ADCY2: variants seen among roughly 807,000 people sequenced by gnomAD.
ADCY2 encodes adenylate cyclase type 2.
A neutral mutation model predicts 125.2 loss-of-function variants in ADCY2; 31 were observed. The observed-to-expected ratio is 0.25, with a 90% confidence interval of 0.19 to 0.33. The LOEUF (loss-of-function observed/expected upper bound fraction) is 0.33, where lower values mean the gene tolerates loss of function less well. Ranked by LOEUF, ADCY2 falls within the 10% of genes least tolerant of loss-of-function variation. ADCY2 has a pLI of 1.00. For missense variants in ADCY2, 904 were observed against 1,418.2 expected (o/e 0.64, Z 5.82); for synonymous variants, 512 against 548.4 (o/e 0.93, Z 0.93).
chr5:7,631,036 C>T (rs1427782231), intron 4 of ADCY2, among the ~76,000 whole-genome samples: 1 of 152,110 alleles, frequency 6.6e-6, no homozygotes, highest in Admixed American at 6.5e-5. Context: ...AGCAATCCAC[C>T]CACCTTGGCT....
intron 20 of ADCY2, chr5:7,797,729 T>C (rs1366225549): frequency 2.6e-5 from 4 of 152,206 alleles, no homozygotes; most frequent in Admixed American, 2.0e-4. Flanking sequence ...TGCAGGGAGC[T>C]TATGAATTGG....
At chr5:7,725,399 A>C (rs1056324940) in intron 13 of ADCY2, among the ~76,000 whole-genome samples, 1 of 152,214 alleles carries the variant, frequency 6.6e-6, no homozygotes, top group Non-Finnish European at 1.5e-5. Context: ...GCATTATTTT[A>C]TGAATATCAA....
intron 4 of ADCY2, among the ~76,000 whole-genome samples, chr5:7,654,895 G>A (rs918275919): frequency 3.3e-5 from 5 of 152,160 alleles, no homozygotes; most frequent in African/African-American, 1.2e-4. Flanking sequence ...CCCTGTTTAG[G>A]GGAAAAAATG....
chr5:7,630,793 T>C (rs1738287196), intron 4 of ADCY2, among the ~76,000 whole-genome samples: 1 of 150,436 alleles, frequency 6.6e-6, no homozygotes, highest in Non-Finnish European at 1.5e-5. Context: ...CTTGTCTTTT[T>C]TTTTTTTTTT....
At chr5:7,431,489 A>C (rs1186515737) in intron 2 of ADCY2, among the ~76,000 whole-genome samples, 1 of 151,666 alleles carries the variant, frequency 6.6e-6, no homozygotes, top group African/African-American at 2.4e-5. Flanking sequence ...GTGTTAGAAA[A>C]TGATTTCTTG....
intron 4 of ADCY2, among the ~76,000 whole-genome samples, chr5:7,688,297 T>C (rs1740592716): frequency 6.6e-6 from 1 of 151,288 alleles, no homozygotes; most frequent in Non-Finnish European, 1.5e-5. Flanking sequence ...AGACAGAGTC[T>C]CACTCTGTTG....
chr5:7,762,229 C>G (rs1743246612), intron 16 of ADCY2, among the ~76,000 whole-genome samples: 1 of 152,190 alleles, frequency 6.6e-6, no homozygotes, highest in Non-Finnish European at 1.5e-5. Flanking sequence ...TCCTCTTGTA[C>G]TTATGTCAAA....
chr5:7,663,966 G>A (rs779737733), intron 4 of ADCY2, among the ~76,000 whole-genome samples: 7 of 152,198 alleles, frequency 4.6e-5, no homozygotes, highest in Non-Finnish European at 1.0e-4. Flanking sequence ...GATTTCCGAA[G>A]TGTGACTCTT....
chr5:7,768,601 C>T (rs935116390), intron 17 of ADCY2, among the ~76,000 whole-genome samples: 1 of 152,148 alleles, frequency 6.6e-6, no homozygotes, highest in Non-Finnish European at 1.5e-5. Context: ...ACTCACCACA[C>T]TTGGCATCAC....
intron 3 of ADCY2, among the ~76,000 whole-genome samples, chr5:7,521,561 T>G (rs1025035513): frequency 6.6e-6 from 1 of 152,244 alleles, no homozygotes; most frequent in African/African-American, 2.4e-5. Context: ...GTGCATTTAA[T>G]TTGCTCTGTG....
At chr5:7,628,263 C>T (rs1738199713) in intron 4 of ADCY2, among the ~76,000 whole-genome samples, 1 of 152,010 alleles carries the variant, frequency 6.6e-6, no homozygotes, top group South Asian at 2.1e-4. Flanking sequence ...TTTTTTTCAT[C>T]AGCTCTGTAA....
At chr5:7,467,836 A>G (rs1333301461) in intron 2 of ADCY2, among the ~76,000 whole-genome samples, 1 of 152,184 alleles carries the variant, frequency 6.6e-6, no homozygotes, top group Non-Finnish European at 1.5e-5. Flanking sequence ...TAGTTTTTCT[A>G]GAACTTCATC....
chr5:7,792,598 C>A (rs1425192738), intron 20 of ADCY2, among the ~76,000 whole-genome samples: 1 of 152,102 alleles, frequency 6.6e-6, no homozygotes, highest in African/African-American at 2.4e-5. Flanking sequence ...CTGGGCCAGA[C>A]CTCCAGGAGT....
intron 7 of ADCY2, among the ~76,000 whole-genome samples, chr5:7,703,506 G>C (rs374018852): frequency 1.3e-5 from 2 of 151,942 alleles, no homozygotes; most frequent in East Asian, 1.9e-4. Context: ...TCTTGTTTTT[G>C]TCAGGTTTGT....
intron 2 of ADCY2, among the ~76,000 whole-genome samples, chr5:7,444,007 A>G (rs1741123647): frequency 6.6e-6 from 1 of 152,094 alleles, no homozygotes; most frequent in Non-Finnish European, 1.5e-5. Flanking sequence ...TCTATATATA[A>G]TCTCAGAGAG....
chr5:7,465,106 T>A lies in ADCY2; in HGVS notation c.408+50336T>A, dbSNP rs555885539. On this transcript the variant is annotated intron_variant, in intron 2 of 24. Coordinates refer to ENST00000338316, the MANE Select transcript of ADCY2 (RefSeq NM_020546.3). ...CAGTATGGGGGAACCACCCCCATGA[T>A]TCAGTTATCTCCCACTGGGTCCTTC... is the stretch of plus-strand genomic sequence containing the variant. 2.1e-3 allele frequency among the ~76,000 whole-genome samples: 315 copies of A among 152,322 alleles called. 1 individual carries two copies. The highest frequency in any genetic ancestry group is 7.3e-3 in the African/African-American group (303 of 41,580).
intron 3 of ADCY2, among the ~76,000 whole-genome samples, chr5:7,592,346 A>T (rs1736872007): frequency 6.6e-6 from 1 of 152,178 alleles, no homozygotes; most frequent in African/African-American, 2.4e-5. Flanking sequence ...ATAGTAAAAA[A>T]ACTTTGTTAT....
At chr5:7,741,123 A>G (rs1312854956) in intron 14 of ADCY2, among the ~76,000 whole-genome samples, 1 of 152,086 alleles carries the variant, frequency 6.6e-6, no homozygotes, top group Non-Finnish European at 1.5e-5. Context: ...TATATAGAAT[A>G]TTTTACATTT....
At chr5:7,568,442 T>A (rs952184360) in intron 3 of ADCY2, among the ~76,000 whole-genome samples, 8 of 152,204 alleles carry the variant, frequency 5.3e-5, no homozygotes, top group African/African-American at 1.7e-4. Context: ...CTTTTTTTTT[T>A]AAAGTTATTT....
Sources: allele counts gnomAD v4.1 joint callset (sites outside exome capture counted in the v4.1 genomes callset), GRCh38; gene constraint gnomAD v4.1.1; transcripts MANE v1.5; gene names NCBI Gene and HGNC (gene_info 2026-07-23, HGNC 2026-07-21).